The following SLC12A2 variants were observed in gnomAD, a reference collection of about 807,000 sequenced individuals.
The protein encoded by SLC12A2 is Na-K-2Cl cotransporter 1.
A neutral mutation model predicts 136.3 loss-of-function variants in SLC12A2; 67 were observed. The observed-to-expected ratio is 0.49, with a 90% CI of 0.40 to 0.60. The LOEUF (loss-of-function observed/expected upper bound fraction) is 0.60, where lower values mean the gene tolerates loss of function less well. SLC12A2 is among the 20% of genes least tolerant of loss of function. The pLI, the probability that SLC12A2 is intolerant of heterozygous loss-of-function variation, is 0.00. For missense variants in SLC12A2, 1,322 were observed against 1,534.7 expected, an observed-to-expected ratio of 0.86 and a Z score of 2.32; for synonymous variants, 619 against 562.9, an observed-to-expected ratio of 1.10 and a Z score of -1.41.
At chr5:128,163,516 G>A (rs888586282) in intron 17 of SLC12A2, among the ~76,000 whole-genome samples, 2 of 151,746 alleles carry the variant, frequency 1.3e-5, no homozygotes, top group Non-Finnish European at 2.9e-5. Flanking sequence ...GCGATAGAGC[G>A]AGACCCCATC....
intron 6 of SLC12A2, 86 bp downstream of exon 6, chr5:128,134,361 A>G (rs985735398): frequency 4.1e-6 from 3 of 732,634 alleles, no homozygotes; most frequent in African/African-American, 3.5e-5. Flanking sequence ...GTATGGTAAT[A>G]TTTCCAGATT....
chr5:128,147,380 A>G (rs890269958), intron 10 of SLC12A2, among the ~76,000 whole-genome samples: 8 of 151,714 alleles, frequency 5.3e-5, no homozygotes, highest in Non-Finnish European at 1.0e-4. Flanking sequence ...GCAGTTCATT[A>G]CACTCTTCTC....
intron 1 of SLC12A2, among the ~76,000 whole-genome samples, chr5:128,112,199 A>G (rs986291833): frequency 1.3e-5 from 2 of 152,216 alleles, no homozygotes; most frequent in Non-Finnish European, 2.9e-5. Context: ...CCTAAAAAGG[A>G]AACACTGGTT....
chr5:128,084,809 T>G lies in SLC12A2; in HGVS notation c.756+99T>G, dbSNP rs1760023923. 1.1e-5 allele frequency: 15 copies of G among 1,309,998 alleles called. No individual in the cohort carries two copies. In the South Asian group the frequency reaches 2.0e-4, roughly 17 times the overall value. The allele number at this position is 1,309,998 out of a possible 1,614,324, so 81.1% of individuals were successfully genotyped here. A position where few individuals can be genotyped will look rare whatever the true frequency, so the allele number is the denominator to read the frequency against. ...TCCCGAGTTGAGGTGGCGGGAGTAGTAGACGTGCACGACTTGCTGGCATCT... is the reference window on the plus strand; with the variant it reads ...TCCCGAGTTGAGGTGGCGGGAGTAGGAGACGTGCACGACTTGCTGGCATCT... On this transcript the variant is annotated intron_variant, in intron 1 of 26. Coordinates refer to ENST00000262461, the MANE Select transcript of SLC12A2 (RefSeq NM_001046.3). This position sits in a 1 kb window ranked among gnomAD's most constrained non-coding sequence, Gnocchi z 5.6.
In SLC12A2 at chr5:128,083,788, G is replaced by C. The variant is rs1021517839; in HGVS notation, c.-167G>C. The C allele has an allele frequency of 1.8e-5, 8 of 439,836 alleles. No homozygotes were observed. The highest frequency in any genetic ancestry group is 2.9e-5 in the Non-Finnish European group (8 of 272,906). 27.2% of individuals were successfully genotyped at this position (439,836 alleles called of 1,614,324 possible). ...GCCACACTCGCGCGCTCGCTCGGCTGCCGGTGGCCTCTGTGGCCGTCCAGG... is the reference window on the plus strand; with the variant it reads ...GCCACACTCGCGCGCTCGCTCGGCTCCCGGTGGCCTCTGTGGCCGTCCAGG... On this transcript the variant is annotated 5_prime_UTR_variant, in exon 1 of 27. Transcript: ENST00000262461.
intron 16 of SLC12A2, among the ~76,000 whole-genome samples, chr5:128,158,856 A>G (rs1311960229): frequency 1.5e-5 from 2 of 133,836 alleles, no homozygotes; most frequent in Admixed American, 7.9e-5. Flanking sequence ...CAACCTCACC[A>G]GCATCTGTGT....
At chr5:128,185,988 A>G (rs891015569) in intron 26 of SLC12A2, among the ~76,000 whole-genome samples, 1 of 151,948 alleles carries the variant, frequency 6.6e-6, no homozygotes, top group Non-Finnish European at 1.5e-5. Context: ...AGGTGGGAGG[A>G]TTGCTTGAGA....
At chr5:128,142,247 C>T (rs1386629548) in intron 10 of SLC12A2, among the ~76,000 whole-genome samples, 3 of 152,120 alleles carry the variant, frequency 2.0e-5, no homozygotes, top group Non-Finnish European at 4.4e-5. Context: ...GGACTATAGG[C>T]GCCAGCCACC....
rs1763883222 is a variant in SLC12A2 at position 128,186,772 on chromosome 5, A to C, written c.*141A>C. ...TTTCATTAATTTGAAAGCACACAGG[A>C]AAGTTGCTCCATTGATAACGTGTAT... On this transcript the variant is annotated 3_prime_UTR_variant, in exon 27 of 27. Transcript: ENST00000262461. 1 of 893,068 alleles carries C rather than the reference A, an allele frequency of 1.1e-6. No homozygotes were observed. The highest frequency in any genetic ancestry group is 2.5e-5 in the Admixed American group (1 of 40,114). 55.3% of individuals were successfully genotyped at this position (893,068 alleles called of 1,614,324 possible).
intron 15 of SLC12A2, among the ~76,000 whole-genome samples, chr5:128,157,784 A>G (rs1468521742): frequency 6.6e-6 from 1 of 152,144 alleles, no homozygotes; most frequent in Non-Finnish European, 1.5e-5. Flanking sequence ...TAGCATGATA[A>G]TTTCTTTCTG....
chr5:128,102,534 TCACTCTTAGTTTGTAA>T (rs1760777197), intron 1 of SLC12A2, among the ~76,000 whole-genome samples: 1 of 150,504 alleles, frequency 6.6e-6, no homozygotes, highest in African/African-American at 2.4e-5. Flanking sequence ...CATCTTTTGT[TCACTCTTAGTTTGTAA>T]CACTCATTTA....
chr5:128,159,054 G>A (rs1198517652), intron 16 of SLC12A2, among the ~76,000 whole-genome samples: 1 of 150,796 alleles, frequency 6.6e-6, no homozygotes, highest in Non-Finnish European at 1.5e-5. Flanking sequence ...CCCCTAAATG[G>A]TCTTGAAGTA....
chr5:128,157,135 C>T (rs571855175), intron 15 of SLC12A2, among the ~76,000 whole-genome samples: 14 of 152,248 alleles, frequency 9.2e-5, no homozygotes, highest in African/African-American at 2.4e-4. Context: ...CTCCTGTAAA[C>T]GTTAACGTTT....
In SLC12A2 at chr5:128,126,130, G is replaced by A. The variant is rs560101386; in HGVS notation, c.1049-4937G>A. Among the ~76,000 whole-genome samples, 56 of 151,910 alleles carry A rather than the reference G, an allele frequency of 3.7e-4. 1 individual carries two copies. Among genetic ancestry groups the A allele is most frequent in the Non-Finnish European group, 4.6e-4 (31 of 67,986 alleles). On this transcript the variant is annotated intron_variant, in intron 4 of 26. Transcript: ENST00000262461. Reference sequence around the variant, plus strand: ...TTGTTTTGGCTTTTCTAGATCTTTAGCATTTTCATATAAATTTTTGACTTA... The same window carrying A: ...TTGTTTTGGCTTTTCTAGATCTTTAACATTTTCATATAAATTTTTGACTTA...
At chr5:128,095,653 C>A (rs1022321908) in intron 1 of SLC12A2, among the ~76,000 whole-genome samples, 15 of 151,920 alleles carry the variant, frequency 9.9e-5, no homozygotes, top group Non-Finnish European at 2.1e-4. Context: ...AATTTGTAAA[C>A]TTTCTTAAAA....
At chr5:128,173,526 T>G (rs777594316) in intron 19 of SLC12A2, among the ~76,000 whole-genome samples, 1 of 152,190 alleles carries the variant, frequency 6.6e-6, no homozygotes, top group Non-Finnish European at 1.5e-5. Context: ...AAACAGGAAT[T>G]TGGGAATAGG....
chr5:128,084,355 A>C lies in SLC12A2; in HGVS notation c.401A>C (p.Glu134Ala). ...GESEPAKGSE[E>A]AKGRFRVNFV... ...AGCGAGCCGGCTAAAGGCAGCGAGG[A>C]AGCCAAGGGCCGCTTCCGCGTGAAC... is the stretch of plus-strand genomic sequence containing the variant. The change falls in exon 1 of 27, where the codon GAA becomes GCA. Residue 134 changes from glutamate (E) to alanine (A), a missense_variant. Physicochemically the swap from Glu to Ala is moderately radical, Grantham distance 107. Coordinates refer to ENST00000262461, the MANE Select transcript of SLC12A2 (RefSeq NM_001046.3). The surrounding 1 kb of genome is among the most constrained non-coding windows in gnomAD (Gnocchi z 5.6). The C allele has an allele frequency of 6.3e-7, 1 of 1,595,868 alleles. No homozygotes were observed. The highest frequency in any genetic ancestry group is 8.5e-7 in the Non-Finnish European group (1 of 1,174,222).
rs1396806482 is a variant in SLC12A2, at chr5:128,158,166, T to G, written c.2475+2T>G. The G allele has an allele frequency of 6.3e-7, 1 of 1,592,820 alleles. No individual in the cohort carries two copies. ...ATGATCTGTGGCCATGTACATATGG[T>G]AAGTATCAATTTTGTTTTCTTTTTC... On this transcript the variant is annotated splice_donor_variant, in intron 16 of 26. Transcript: ENST00000262461. LOFTEE classifies it high-confidence loss of function.
chr5:128,105,976 C>G (rs55763377), intron 1 of SLC12A2, among the ~76,000 whole-genome samples: 22,389 of 152,072 alleles, frequency 0.15, 1,930 homozygotes, highest in East Asian at 0.25. Flanking sequence ...TCAACTGAAT[C>G]TTTTCCTTTT....
Sources: gnomAD v4.1 joint callset for allele counts (sites outside exome capture counted in the v4.1 genomes callset) on GRCh38, gnomAD v4.1.1 for gene constraint, Gnocchi (gnomAD v3.1) non-coding constraint, MANE v1.5 for transcripts, NCBI Gene and HGNC (gene_info 2026-07-23, HGNC 2026-07-21) for gene names.